The following CAB39L variants were observed in gnomAD, a reference collection of about 807,000 sequenced individuals.
The protein encoded by CAB39L is calcium binding protein 39 like, also known as calcium-binding protein 39-like.
A neutral mutation model predicts 39.1 loss-of-function variants in CAB39L; 23 were observed. The ratio of observed to expected loss-of-function variants is 0.59; its 90% confidence interval spans 0.42 to 0.83. CAB39L has a LOEUF of 0.83. CAB39L is among the 40% of genes least tolerant of loss of function. The probability of loss-of-function intolerance (pLI) is 0.00; values close to 1 mark genes in which losing one functional copy is unlikely to be tolerated. For missense variants in CAB39L, 366 were observed against 391.9 expected, an observed-to-expected ratio of 0.93 and a Z score of 0.56; for synonymous variants, 126 against 137.2, an observed-to-expected ratio of 0.92 and a Z score of 0.57.
chr13:49,414,965 G>A (rs1957055165), intron 3 of CAB39L, among the ~76,000 whole-genome samples: 1 of 151,960 alleles, frequency 6.6e-6, no homozygotes, highest in African/African-American at 2.4e-5. Context: ...AGGCCGAGGT[G>A]GAGGTGGATC....
At chr13:49,328,706 A>T (rs987068014) in intron 10 of CAB39L, among the ~76,000 whole-genome samples, 1 of 152,120 alleles carries the variant, frequency 6.6e-6, no homozygotes, top group African/African-American at 2.4e-5. Context: ...TGGTAAGGGC[A>T]GGCCTACAAT....
chr13:49,407,861 CAAAAAAA>C (rs35392956), intron 3 of CAB39L, among the ~76,000 whole-genome samples: 2 of 114,106 alleles, frequency 1.8e-5, no homozygotes, highest in Non-Finnish European at 1.7e-5. Context: ...GACCCCGTCT[CAAAAAAA>C]AAAAAAAAAA....
chr13:49,388,269 G>A (rs185970544), intron 3 of CAB39L, among the ~76,000 whole-genome samples: 1 of 152,276 alleles, frequency 6.6e-6, no homozygotes, highest in Non-Finnish European at 1.5e-5. Flanking sequence ...CAGAATCAAA[G>A]ATATAACAGC....
chr13:49,412,108 C>T (rs1020346905), intron 3 of CAB39L, among the ~76,000 whole-genome samples: 10 of 152,116 alleles, frequency 6.6e-5, no homozygotes, highest in African/African-American at 2.4e-4. Context: ...AGGGGTTCAG[C>T]ACAAATTGGT....
intron 3 of CAB39L, among the ~76,000 whole-genome samples, chr13:49,397,186 GCAC>G (rs912758270): frequency 9.9e-5 from 15 of 152,170 alleles, no homozygotes; most frequent in Admixed American, 7.9e-4. Context: ...TAATTACAAA[GCAC>G]CACAACTGAA....
At chr13:49,412,891 G>T (rs1957017707) in intron 3 of CAB39L, 1 of 152,368 alleles carries the variant, frequency 6.6e-6, no homozygotes, top group Non-Finnish European at 1.5e-5. Flanking sequence ...AGATGGTAAT[G>T]CTTGCCAGCC....
intron 3 of CAB39L, among the ~76,000 whole-genome samples, chr13:49,425,786 T>C (rs1488677112): frequency 6.6e-6 from 1 of 152,240 alleles, no homozygotes; most frequent in African/African-American, 2.4e-5. Flanking sequence ...GTTGGAAATC[T>C]GGAAATTCGT....
intron 5 of CAB39L, among the ~76,000 whole-genome samples, chr13:49,360,267 T>G (rs186106260): frequency 4.5e-4 from 68 of 152,382 alleles, no homozygotes; most frequent in African/African-American, 1.6e-3. Context: ...AAATTCCTTT[T>G]TCTTAGATCT....
intron 2 of CAB39L, 83 bp downstream of exon 2, chr13:49,434,003 G>T: frequency 3.0e-6 from 1 of 335,706 alleles, no homozygotes. Flanking sequence ...AGTCACCAGC[G>T]ACAATTTCTG....
chr13:49,389,796 T>C (rs1332017347), intron 3 of CAB39L, among the ~76,000 whole-genome samples: 1 of 152,180 alleles, frequency 6.6e-6, no homozygotes, highest in African/African-American at 2.4e-5. Flanking sequence ...CACCCATCCT[T>C]CCTAACATTT....
At chr13:49,415,391 C>T (rs1280011453) in intron 3 of CAB39L, among the ~76,000 whole-genome samples, 1 of 150,820 alleles carries the variant, frequency 6.6e-6, no homozygotes, top group African/African-American at 2.4e-5. Flanking sequence ...TGTGGTGGTA[C>T]ACACCTGTAA....
In CAB39L at chr13:49,316,544, C is replaced by CT. The variant is rs748087878; in HGVS notation, c.835-5552dup. 2.0e-5 allele frequency among the ~76,000 whole-genome samples: 3 copies of CT among 152,282 alleles called. No individual in the cohort carries two copies. In the East Asian group the frequency reaches 5.8e-4, roughly 29 times the overall value. On this transcript the variant is annotated intron_variant, in intron 10 of 10. Transcript: ENST00000409308. ...CAAAAAAACTACATACCAGTATTCTCTATGAATAAAAATGCAAAAAATCCT... is the reference window on the plus strand; with the variant it reads ...CAAAAAAACTACATACCAGTATTCTCTTATGAATAAAAATGCAAAAAATCCT...
intron 1 of CAB39L, among the ~76,000 whole-genome samples, chr13:49,439,814 T>G (rs1364229666): frequency 6.6e-6 from 1 of 152,138 alleles, no homozygotes; most frequent in Non-Finnish European, 1.5e-5. Context: ...TGGTTTTGAT[T>G]TGCATTTCTC....
intron 8 of CAB39L, 92 bp downstream of exon 8, chr13:49,344,087 T>C (rs1163443047): frequency 5.1e-6 from 4 of 785,522 alleles, no homozygotes; most frequent in Non-Finnish European, 8.9e-6. Context: ...GACTGATTTC[T>C]CTTGTGGATA....
intron 3 of CAB39L, among the ~76,000 whole-genome samples, chr13:49,432,008 T>C (rs1484989627): frequency 6.6e-6 from 1 of 152,144 alleles, no homozygotes; most frequent in Non-Finnish European, 1.5e-5. Flanking sequence ...TCAGAATAAC[T>C]AAGCTGAGTA....
At chr13:49,352,464 A>C (rs916250274) in intron 6 of CAB39L, among the ~76,000 whole-genome samples, 1 of 152,094 alleles carries the variant, frequency 6.6e-6, no homozygotes, top group African/African-American at 2.4e-5. Context: ...CTCCAAAAAA[A>C]AAAATCTGGT....
At chr13:49,389,084 AT>A (rs1956433004) in intron 3 of CAB39L, among the ~76,000 whole-genome samples, 1 of 152,176 alleles carries the variant, frequency 6.6e-6, no homozygotes. Context: ...GTTGATGAGA[AT>A]GCTGAGAAAA....
At chr13:49,413,527 G>A (rs9535235) in intron 3 of CAB39L, among the ~76,000 whole-genome samples, 17,982 of 152,102 alleles carry the variant, frequency 0.12, 1,187 homozygotes, top group Non-Finnish European at 0.14. Context: ...GAAAAGGGAC[G>A]GAAAGAGAGG....
rs1364367568 is a variant in CAB39L, at chr13:49,310,883, ATCATCCGTCC to A, written c.935_944del (p.Arg312MetfsTer11). The A allele has an allele frequency of 6.2e-7, 1 of 1,614,190 alleles. No individual in the cohort carries two copies. Among genetic ancestry groups the A allele is most frequent in the Non-Finnish European group, 8.5e-7 (1 of 1,180,034 alleles). On this transcript the variant is annotated frameshift_variant, in exon 11 of 11. Transcript: ENST00000409308. LOFTEE classifies it high-confidence loss of function. ...AGTTCTTCTCGTCAGCGAACTGCTC[ATCATCCGTCC>A]TTTCTTTTTGGAAGCTGCTCAGAAA...
Sources: gnomAD v4.1 joint callset for allele counts (sites outside exome capture counted in the v4.1 genomes callset) on GRCh38, gnomAD v4.1.1 for gene constraint, MANE v1.5 for transcripts, NCBI Gene and HGNC (gene_info 2026-07-23, HGNC 2026-07-21) for gene names.